The following ST3GAL6 variants were observed in gnomAD, a reference collection of about 807,000 sequenced individuals.
ST3GAL6 encodes type 2 lactosamine alpha-2,3-sialyltransferase.
Under a neutral mutation model 40.5 loss-of-function variants are expected in ST3GAL6, and 31 were observed. The ratio of observed to expected loss-of-function variants is 0.77; its 90% confidence interval spans 0.58 to 1.03. ST3GAL6 has a LOEUF of 1.03. Among genes scored for constraint, ST3GAL6 ranks in the 50% least tolerant of loss-of-function variants. The probability of loss-of-function intolerance (pLI) is 0.00; values close to 1 mark genes in which losing one functional copy is unlikely to be tolerated. For missense variants in ST3GAL6, 357 were observed against 393.2 expected, an observed-to-expected ratio of 0.91 and a Z score of 0.78; for synonymous variants, 129 against 136.9, an observed-to-expected ratio of 0.94 and a Z score of 0.40.
chr3:98,768,492 G>T lies in ST3GAL6; in HGVS notation c.52G>T (p.Val18Leu). ...IFLSAVFLYY[V>L]LHCILWGTNV... ...CCTGAGTGCTGTCTTCCTCTATTAT[G>T]TACTGCATTGCATATTATGGGGAAC... The change falls in exon 2 of 10, where the codon GTA becomes TTA. Residue 18 changes from valine to leucine, a missense_variant. Transcript: ENST00000483910. 6.2e-7 allele frequency: 1 copy of T among 1,613,580 alleles called. No homozygotes were observed. The highest frequency in any genetic ancestry group is 1.7e-5 in the Admixed American group (1 of 60,002).
At chr3:98,761,287 G>GA (rs1422837486), upstream of ST3GAL6, among the ~76,000 whole-genome samples, 2 of 151,968 alleles carry the variant, frequency 1.3e-5, no homozygotes, top group South Asian at 2.1e-4. Flanking sequence ...TCAAAAAAAG[G>GA]AAAAAAATGA....
At chr3:98,791,431 G>A (rs930120682) in intron 8 of ST3GAL6, among the ~76,000 whole-genome samples, 2 of 152,198 alleles carry the variant, frequency 1.3e-5, no homozygotes, top group Non-Finnish European at 2.9e-5. Context: ...ATCCGTTTGT[G>A]AATGAAGCTG....
chr3:98,793,810 A>C lies in ST3GAL6; in HGVS notation c.*49A>C. 5 of 1,237,824 alleles carry C rather than the reference A, an allele frequency of 4.0e-6. No homozygotes were observed. The highest frequency in any genetic ancestry group is 2.2e-5 in the Admixed American group (1 of 44,494). 76.7% of individuals were successfully genotyped at this position (1,237,824 alleles called of 1,614,324 possible). A position where few individuals can be genotyped will look rare whatever the true frequency, so the allele number is the denominator to read the frequency against. On this transcript the variant is annotated 3_prime_UTR_variant, in exon 10 of 10. Coordinates refer to ENST00000483910, the MANE Select transcript of ST3GAL6 (RefSeq NM_001323368.2). Reference sequence around the variant, plus strand: ...CTAACAGTGTTAGTTTTATTTTTGTACTGCAATTTTTAGTTTAAAATATGT... The same window carrying C: ...CTAACAGTGTTAGTTTTATTTTTGTCCTGCAATTTTTAGTTTAAAATATGT...
At chr3:98,763,469 G>A (rs1166757783) in intron 1 of ST3GAL6, 30 bp downstream of exon 1, 2 of 1,289,374 alleles carry the variant, frequency 1.6e-6, no homozygotes, top group Admixed American at 2.3e-5. Flanking sequence ...ACCTGCTTAA[G>A]GGGAAGGTTG....
intron 5 of ST3GAL6, among the ~76,000 whole-genome samples, chr3:98,777,513 G>A (rs1048520420): frequency 5.3e-5 from 8 of 152,186 alleles, no homozygotes; most frequent in African/African-American, 1.4e-4. Flanking sequence ...AATGTGGACC[G>A]GAAAATGTAG....
chr3:98,732,741 C>T (rs750357764), intron 1 of ST3GAL6: 205 of 994,612 alleles, frequency 2.1e-4, no homozygotes, highest in Non-Finnish European at 2.7e-4. Flanking sequence ...CCTGAGACTC[C>T]GGGCAGGGCT....
At chr3:98,774,116 G>C in intron 5 of ST3GAL6, 133 bp downstream of exon 5, 1 of 657,640 alleles carries the variant, frequency 1.5e-6, no homozygotes, top group Non-Finnish European at 2.6e-6. Flanking sequence ...AAAATTTCTA[G>C]TAGTAATTTG....
chr3:98,733,888 G>A (rs190925023), intron 1 of ST3GAL6, among the ~76,000 whole-genome samples: 4 of 152,286 alleles, frequency 2.6e-5, no homozygotes, highest in East Asian at 3.9e-4. Context: ...GTGTGTGGGG[G>A]TAGGGATGAA....
intron 1 of ST3GAL6, among the ~76,000 whole-genome samples, chr3:98,757,973 A>T (rs1393046299): frequency 6.6e-6 from 1 of 151,658 alleles, no homozygotes; most frequent in African/African-American, 2.4e-5. Flanking sequence ...GTAGCTTGGG[A>T]CTACAGGCGT....
intron 6 of ST3GAL6, 91 bp downstream of exon 6, chr3:98,785,131 G>A (rs1404909304): frequency 4.6e-6 from 4 of 875,464 alleles, no homozygotes; most frequent in Non-Finnish European, 7.0e-6. Context: ...AGGAAGGGGA[G>A]ATGTTTCCAT....
intron 8 of ST3GAL6, among the ~76,000 whole-genome samples, chr3:98,789,148 G>A (rs1471603603): frequency 6.6e-6 from 1 of 152,130 alleles, no homozygotes; most frequent in East Asian, 1.9e-4. Flanking sequence ...ATGACACCTT[G>A]GTTGAAATGA....
chr3:98,732,894 C>T, intron 1 of ST3GAL6: 2 of 1,508,974 alleles, frequency 1.3e-6, no homozygotes, highest in East Asian at 2.6e-5. Context: ...GAGGCAGCAG[C>T]CGGCTGGAGC....
rs563759911 is a variant in ST3GAL6 at position 98,794,843 on chromosome 3, T to C, written c.*1082T>C. ...TGAGCCCGGGAGGCAGAGGTTGCAG[T>C]GAGCCAAGATCGCGCCACTGCACTT... On this transcript the variant is annotated 3_prime_UTR_variant, in exon 10 of 10. Coordinates refer to ENST00000483910, the MANE Select transcript of ST3GAL6 (RefSeq NM_001323368.2). The C allele has an allele frequency of 7.2e-5, 11 of 152,418 alleles. No individual in the cohort carries two copies. The highest frequency in any genetic ancestry group is 2.2e-4 in the African/African-American group (9 of 41,580). 9.4% of individuals were successfully genotyped at this position (152,418 alleles called of 1,614,324 possible).
Position 98,736,337 on chromosome 3 carries a change from T to C in ST3GAL6, c.-12+3805T>C, listed in dbSNP as rs1009390843. Among the ~76,000 whole-genome samples the C allele has an allele frequency of 2.6e-5, 4 of 152,266 alleles. 1 individual carries two copies. Among genetic ancestry groups the C allele is most frequent in the Admixed American group, 2.0e-4 (3 of 15,286 alleles). ...TAGCATCATTGCATACTTTGCAATG[T>C]ATTTAGTGCTAGGCTTTGAAAGATG... is the stretch of plus-strand genomic sequence containing the variant. On this transcript the variant is annotated intron_variant, in intron 1 of 9. Transcript: ENST00000265261.
In ST3GAL6 at chr3:98,739,015, A is replaced by G. The variant is rs1393409317; in HGVS notation, c.-12+6483A>G. 3.3e-5 allele frequency among the ~76,000 whole-genome samples: 5 copies of G among 152,204 alleles called. No homozygotes were observed. The East Asian group carries it at 5.8e-4, about 18-fold the overall frequency. ...ATACCAACCACACTCTTAGACCACA[A>G]TGCAATAAAAATAGAAATCAATACT... On this transcript the variant is annotated intron_variant, in intron 1 of 9. Coordinates refer to the ST3GAL6 transcript ENST00000265261.
chr3:98,734,166 C>A (rs278372), intron 1 of ST3GAL6, among the ~76,000 whole-genome samples: 16,401 of 152,194 alleles, frequency 0.11, 1,154 homozygotes, highest in Middle Eastern at 0.17. Context: ...TAGCTGCAGA[C>A]CATAAAACTG....
At chr3:98,782,217 C>T (rs1674741848) in intron 5 of ST3GAL6, 2 of 702,696 alleles carry the variant, frequency 2.8e-6, no homozygotes, top group African/African-American at 3.5e-5. Context: ...AAACAGAGAG[C>T]CCAGGACCAT....
chr3:98,771,314 C>A, intron 3 of ST3GAL6: 2 of 401,106 alleles, frequency 5.0e-6, no homozygotes, highest in South Asian at 2.6e-5. Context: ...GCTTCTCCTT[C>A]CTTGCCTCTA....
chr3:98,740,488 C>T (rs562088233), intron 1 of ST3GAL6, among the ~76,000 whole-genome samples: 1 of 152,132 alleles, frequency 6.6e-6, no homozygotes, highest in East Asian at 1.9e-4. Flanking sequence ...TGCTTCAGCT[C>T]AGGCTGTTCT....
Sources: allele counts gnomAD v4.1 joint callset (sites outside exome capture counted in the v4.1 genomes callset), GRCh38; gene constraint gnomAD v4.1.1; transcripts MANE v1.5; gene names NCBI Gene and HGNC (gene_info 2026-07-23, HGNC 2026-07-21).